Variants in IP6K2 observed in about 807,000 individuals in gnomAD.
The protein encoded by IP6K2 is inositol hexakisphosphate kinase 2, also known as ATP:1D-myo-inositol-hexakisphosphate phosphotransferase.
In IP6K2, 9 loss-of-function variants were observed where a neutral mutation model predicts 43.3. The observed-to-expected ratio is 0.21, with a 90% CI of 0.13 to 0.36. The LOEUF (loss-of-function observed/expected upper bound fraction) is 0.36. IP6K2 is among the 10% of genes least tolerant of loss of function. The probability of loss-of-function intolerance (pLI) is 1.00; values close to 1 mark genes in which losing one functional copy is unlikely to be tolerated. For synonymous variants in IP6K2, 209 were observed against 202.4 expected, an observed-to-expected ratio of 1.03 and a Z score of -0.28; for missense variants, 332 against 538.4, an observed-to-expected ratio of 0.62 and a Z score of 3.79.
rs753369478 is a variant in IP6K2 at position 48,695,281 on chromosome 3, G to T, written c.11C>A (p.Ala4Asp). ...GGGCTCCACATCCATGGCCCTGAAG[G>T]CTGGGCTCATCCTCCGGGCGCAGAT... MSP[A>D]FRAMDVEPRA... is the part of the protein sequence containing the mutation. The change falls in exon 2 of 6, where the codon GCC (alanine) becomes GAC (aspartate). Residue 4 changes from alanine to aspartate, a missense_variant. Coordinates refer to ENST00000328631, the MANE Select transcript of IP6K2 (RefSeq NM_016291.4). This position sits in a 1 kb window ranked among gnomAD's most constrained non-coding sequence, Gnocchi z 4.6. The T allele has an allele frequency of 6.3e-7, 1 of 1,599,596 alleles. No individual in the cohort carries two copies. The highest frequency in any genetic ancestry group is 1.3e-5 in the African/African-American group (1 of 74,614).
At chr3:48,712,148 C>T (rs2080598286) in intron 1 of IP6K2, among the ~76,000 whole-genome samples, 1 of 151,412 alleles carries the variant, frequency 6.6e-6, no homozygotes, top group African/African-American at 2.4e-5. Flanking sequence ...AATCCTGGCG[C>T]TTGTGGATGC....
At chr3:48,689,445 C>T (rs1260884076) in intron 5 of IP6K2, 93 bp downstream of exon 5, 2 of 1,363,214 alleles carry the variant, frequency 1.5e-6, no homozygotes, top group Non-Finnish European at 2.0e-6. Context: ...AGCCACTGCA[C>T]CTGGCCTGGA....
intron 1 of IP6K2, among the ~76,000 whole-genome samples, chr3:48,697,296 G>A (rs2078477013): frequency 6.6e-6 from 1 of 151,754 alleles, no homozygotes; most frequent in Non-Finnish European, 1.5e-5. Context: ...CTGGATTACA[G>A]GCGTGAGCCA....
At chr3:48,697,944 A>G (rs890525237) in intron 1 of IP6K2, among the ~76,000 whole-genome samples, 1 of 152,202 alleles carries the variant, frequency 6.6e-6, no homozygotes, top group Non-Finnish European at 1.5e-5. Flanking sequence ...ACTGAACTCA[A>G]TGGCTAGGAA....
Position 48,688,839 on chromosome 3 carries a change from G to A in IP6K2, c.781-66C>T. 6.6e-7 allele frequency: 1 copy of A among 1,516,824 alleles called. No individual in the cohort carries two copies. Among genetic ancestry groups the A allele is most frequent in the Non-Finnish European group, 8.8e-7 (1 of 1,130,296 alleles). The allele number at this position is 1,516,824 out of a possible 1,614,324, so 94.0% of individuals were successfully genotyped here. A position where few individuals can be genotyped will look rare whatever the true frequency, so the allele number is the denominator to read the frequency against. On this transcript the variant is annotated intron_variant, in intron 5 of 5. Transcript: ENST00000328631. The surrounding 1 kb of genome is among the most constrained non-coding windows in gnomAD (Gnocchi z 5.1). Reference sequence around the variant, plus strand: ...CTCAAACCCTGGACCCCGGGCGGGGGTGGGGTGGTGTGGTGGTGGCGGCAT... The same window carrying A: ...CTCAAACCCTGGACCCCGGGCGGGGATGGGGTGGTGTGGTGGTGGCGGCAT...
chr3:48,710,207 T>C (rs1355064630), intron 1 of IP6K2, among the ~76,000 whole-genome samples: 1 of 152,074 alleles, frequency 6.6e-6, no homozygotes, highest in African/African-American at 2.4e-5. Flanking sequence ...GGCAACACAG[T>C]GAGACCCTGT....
At chr3:48,707,816 C>T (rs576257146) in intron 1 of IP6K2, among the ~76,000 whole-genome samples, 2 of 152,122 alleles carry the variant, frequency 1.3e-5, no homozygotes, top group Non-Finnish European at 2.9e-5. Context: ...GTAGCTTCTT[C>T]CCCCAAAACA....
At chr3:48,714,738 T>C (rs2080987245) in intron 1 of IP6K2, among the ~76,000 whole-genome samples, 1 of 149,604 alleles carries the variant, frequency 6.7e-6, no homozygotes, top group South Asian at 2.1e-4. Context: ...GCGCGGAGGC[T>C]GAGGCAGGCT....
chr3:48,702,226 A>G (rs573003045), intron 1 of IP6K2, among the ~76,000 whole-genome samples: 7 of 152,118 alleles, frequency 4.6e-5, no homozygotes, highest in Admixed American at 1.3e-4. Flanking sequence ...GCGAGACTCC[A>G]TGTCAAAAAA....
rs960173657 is a variant in IP6K2, at chr3:48,688,842, G to T, written c.781-69C>A. On this transcript the variant is annotated intron_variant, in intron 5 of 5. Coordinates refer to ENST00000328631, the MANE Select transcript of IP6K2 (RefSeq NM_016291.4). This position sits in a 1 kb window ranked among gnomAD's most constrained non-coding sequence, Gnocchi z 5.1. The stretch of plus-strand genomic sequence containing the variant: ...AAACCCTGGACCCCGGGCGGGGGTG[G>T]GGTGGTGTGGTGGTGGCGGCATGTG... 6.6e-7 allele frequency: 1 copy of T among 1,518,732 alleles called. No homozygotes were observed. The highest frequency in any genetic ancestry group is 1.3e-5 in the South Asian group (1 of 78,738). The allele number at this position is 1,518,732 out of a possible 1,614,324, so 94.1% of individuals were successfully genotyped here.
chr3:48,702,341 G>GCAA (rs2079145454), intron 1 of IP6K2, among the ~76,000 whole-genome samples: 1 of 152,106 alleles, frequency 6.6e-6, no homozygotes, highest in African/African-American at 2.4e-5. Context: ...ATGTACCTCA[G>GCAA]GGCCTTTGTA....
intron 1 of IP6K2, among the ~76,000 whole-genome samples, chr3:48,704,805 G>C (rs554386765): frequency 1.2e-4 from 18 of 151,296 alleles, no homozygotes; most frequent in Non-Finnish European, 2.5e-4. Context: ...TTCTCTGAGA[G>C]TCTTGCTCTG....
chr3:48,698,658 A>T, intron 1 of IP6K2, among the ~76,000 whole-genome samples: 1 of 152,034 alleles, frequency 6.6e-6, no homozygotes. Context: ...TTTTTAGTAG[A>T]GATGGGGTTT....
intron 2 of IP6K2, chr3:48,693,983 C>G: frequency 7.3e-7 from 1 of 1,370,586 alleles, no homozygotes; most frequent in Non-Finnish European, 9.4e-7. Flanking sequence ...TGCCGACGAG[C>G]GCCTTACAAA....
At chr3:48,693,669 A>C (rs1288472843) in intron 2 of IP6K2, 2 of 1,090,230 alleles carry the variant, frequency 1.8e-6, no homozygotes, top group African/African-American at 3.4e-5. Flanking sequence ...GGGTAAGCAA[A>C]GCAAAATAAA....
chr3:48,690,476 G>C (rs1559506340), intron 4 of IP6K2, among the ~76,000 whole-genome samples: 2 of 151,538 alleles, frequency 1.3e-5, no homozygotes. Flanking sequence ...CCTCTACAAA[G>C]GGGAGGGGAG....
intron 1 of IP6K2, among the ~76,000 whole-genome samples, chr3:48,708,522 T>C (rs1391189910): frequency 6.6e-6 from 1 of 151,992 alleles, no homozygotes; most frequent in African/African-American, 2.4e-5. Flanking sequence ...ATGAGTCAAC[T>C]GGCCAAATTT....
chr3:48,705,455 GA>G (rs1244552226), intron 1 of IP6K2, among the ~76,000 whole-genome samples: 1 of 151,982 alleles, frequency 6.6e-6, no homozygotes. Flanking sequence ...GAGGCGGGCG[GA>G]TCACGAGGTC....
At chr3:48,715,373 C>T (rs1327326849) in intron 1 of IP6K2, 1 of 1,536,200 alleles carries the variant, frequency 6.5e-7, no homozygotes, top group South Asian at 1.2e-5. Flanking sequence ...ATACCAGTGA[C>T]ATCTCAGGAG....
Sources: allele counts gnomAD v4.1 joint callset (sites outside exome capture counted in the v4.1 genomes callset), GRCh38; gene constraint gnomAD v4.1.1; non-coding constraint Gnocchi (gnomAD v3.1); transcripts MANE v1.5; gene names NCBI Gene and HGNC (gene_info 2026-07-23, HGNC 2026-07-21).